DGKB: variants seen among roughly 807,000 people sequenced by gnomAD.
DGKB encodes 90 kDa diacylglycerol kinase.
DGKB carries 67 observed loss-of-function variants against 114.3 expected under a neutral mutation model. The ratio of observed to expected loss-of-function variants is 0.59; its 90% CI spans 0.48 to 0.72. The LOEUF is 0.72. Ranked by LOEUF, DGKB falls within the 30% of genes least tolerant of loss-of-function variation. The pLI, the probability that DGKB is intolerant of heterozygous loss-of-function variation, is 0.00. For missense variants in DGKB, 907 were observed against 975.2 expected, an observed-to-expected ratio of 0.93 and a Z score of 0.93; for synonymous variants, 398 against 323.1, an observed-to-expected ratio of 1.23 and a Z score of -2.49.
intron 23 of DGKB, among the ~76,000 whole-genome samples, chr7:14,310,100 G>A (rs751823375): frequency 1.3e-5 from 2 of 152,158 alleles, no homozygotes; most frequent in Admixed American, 6.6e-5. Flanking sequence ...AGGGAACAAA[G>A]GACTCAGTGT....
intron 23 of DGKB, among the ~76,000 whole-genome samples, chr7:14,208,388 C>G (rs1164571128): frequency 6.6e-6 from 1 of 152,078 alleles, no homozygotes; most frequent in Non-Finnish European, 1.5e-5. Context: ...AAAGACCAGT[C>G]TAGGATAAAG....
rs546870239 is a variant in DGKB, at chr7:14,549,332, C to T, written c.1770+24880G>A. ...AGTAAGTCTGAGAAACCAGTTTGCA[C>T]TGGTTCTGCAAATGGTGAAGTGGTA... On this transcript the variant is annotated intron_variant, in intron 20 of 25. Coordinates refer to ENST00000402815, the MANE Select transcript of DGKB (RefSeq NM_001350709.2). 7.2e-5 allele frequency among the ~76,000 whole-genome samples: 11 copies of T among 152,232 alleles called. No homozygotes were observed. In the South Asian group the frequency reaches 2.3e-3, roughly 32 times the overall value.
At chr7:14,235,511 T>A (rs746873445) in intron 23 of DGKB, among the ~76,000 whole-genome samples, 1 of 152,078 alleles carries the variant, frequency 6.6e-6, no homozygotes, top group African/African-American at 2.4e-5. Flanking sequence ...AGAGGTTTCA[T>A]CTGTGAAGTA....
At chr7:14,855,565 T>C (rs1053485510) in intron 1 of DGKB, among the ~76,000 whole-genome samples, 1 of 152,002 alleles carries the variant, frequency 6.6e-6, no homozygotes, top group Non-Finnish European at 1.5e-5. Context: ...CATACCCCCA[T>C]GCATATGCAC....
intron 4 of DGKB, among the ~76,000 whole-genome samples, chr7:14,739,453 G>C (rs1415741129): frequency 6.6e-6 from 1 of 152,180 alleles, no homozygotes; most frequent in African/African-American, 2.4e-5. Context: ...TATTCAATTT[G>C]TGAGGTGGAA....
intron 1 of DGKB, among the ~76,000 whole-genome samples, chr7:14,931,645 G>T (rs2128251059): frequency 6.6e-6 from 1 of 152,212 alleles, no homozygotes; most frequent in African/African-American, 2.4e-5. Flanking sequence ...GGAGGGAGTG[G>T]AACTTGCATT....
chr7:14,202,037 T>C (rs892755888), intron 23 of DGKB, among the ~76,000 whole-genome samples: 1 of 152,008 alleles, frequency 6.6e-6, no homozygotes, highest in Non-Finnish European at 1.5e-5. Flanking sequence ...TTGCTCATGA[T>C]TTCAGAGAAC....
chr7:14,806,377 T>C (rs1842796288), intron 2 of DGKB, among the ~76,000 whole-genome samples: 2 of 152,072 alleles, frequency 1.3e-5, no homozygotes, highest in South Asian at 4.1e-4. Flanking sequence ...GTAAAAATAA[T>C]CTGGGTCTTG....
intron 25 of DGKB, among the ~76,000 whole-genome samples, chr7:14,155,794 A>G (rs544287398): frequency 6.6e-6 from 1 of 152,236 alleles, no homozygotes; most frequent in South Asian, 2.1e-4. Context: ...TAGAAAGAGA[A>G]GCGTTTTTGG....
chr7:14,406,281 A>G (rs79819194), intron 21 of DGKB, among the ~76,000 whole-genome samples: 6,326 of 152,102 alleles, frequency 0.042, 441 homozygotes, highest in African/African-American at 0.14. Flanking sequence ...AGCAAAGGGT[A>G]AGAAATTGAC....
chr7:14,226,623 G>T (rs1013846603), intron 23 of DGKB, among the ~76,000 whole-genome samples: 2 of 151,890 alleles, frequency 1.3e-5, no homozygotes, highest in South Asian at 2.1e-4. Flanking sequence ...AAATGATAAA[G>T]ATTTTCATAA....
At chr7:14,315,103 G>A (rs1056535982) in intron 23 of DGKB, among the ~76,000 whole-genome samples, 29 of 147,944 alleles carry the variant, frequency 2.0e-4, no homozygotes, top group Non-Finnish European at 1.5e-5. Flanking sequence ...GTCACCACCA[G>A]GCCTGCCCTA....
chr7:14,329,349 T>C (rs182814556), intron 23 of DGKB, among the ~76,000 whole-genome samples: 1 of 151,928 alleles, frequency 6.6e-6, no homozygotes, highest in East Asian at 1.9e-4. Context: ...AAAATATAAA[T>C]AAAGAAGGTA....
chr7:14,557,851 A>G (rs1049835251), intron 20 of DGKB, among the ~76,000 whole-genome samples: 1 of 151,584 alleles, frequency 6.6e-6, no homozygotes, highest in Non-Finnish European at 1.5e-5. Context: ...GACTCCTTAC[A>G]TATTTATTAT....
At chr7:14,591,139 C>T (rs2128745287) in intron 17 of DGKB, among the ~76,000 whole-genome samples, 1 of 152,194 alleles carries the variant, frequency 6.6e-6, no homozygotes, top group Admixed American at 6.6e-5. Flanking sequence ...CCCAGGAAGG[C>T]TGTGATGAGG....
chr7:14,426,123 G>C (rs2128775543), intron 21 of DGKB, among the ~76,000 whole-genome samples: 2 of 152,196 alleles, frequency 1.3e-5, no homozygotes, highest in East Asian at 3.9e-4. Flanking sequence ...ACTTCTAAGA[G>C]AAACATAACA....
intron 22 of DGKB, among the ~76,000 whole-genome samples, chr7:14,343,793 G>A (rs993183343): frequency 6.7e-6 from 1 of 150,066 alleles, no homozygotes; most frequent in Non-Finnish European, 1.5e-5. Flanking sequence ...GATTCTAAGA[G>A]TAAAGGGGTA....
intron 23 of DGKB, among the ~76,000 whole-genome samples, chr7:14,201,438 G>A (rs1785860057): frequency 6.6e-6 from 1 of 151,984 alleles, no homozygotes; most frequent in African/African-American, 2.4e-5. Context: ...AAATAATGCT[G>A]ATGAGAGATG....
At chr7:14,799,708 A>G (rs983825692) in intron 2 of DGKB, among the ~76,000 whole-genome samples, 2 of 152,114 alleles carry the variant, frequency 1.3e-5, no homozygotes, top group African/African-American at 4.8e-5. Flanking sequence ...TTAATGAATG[A>G]CCTGAAAAGC....
Sources: allele counts gnomAD v4.1 joint callset (sites outside exome capture counted in the v4.1 genomes callset), GRCh38; gene constraint gnomAD v4.1.1; transcripts MANE v1.5; gene names NCBI Gene and HGNC (gene_info 2026-07-23, HGNC 2026-07-21).